PCLO: variants seen among roughly 807,000 people sequenced by gnomAD.
The protein encoded by PCLO is protein piccolo.
A neutral mutation model predicts 427.5 loss-of-function variants in PCLO; 82 were observed. The observed-to-expected ratio is 0.19, with a 90% CI of 0.16 to 0.23. The LOEUF (loss-of-function observed/expected upper bound fraction) is 0.23. PCLO is among the 10% of genes least tolerant of loss of function. The pLI, the probability that PCLO is intolerant of heterozygous loss-of-function variation, is 1.00. For synonymous variants in PCLO, 2,357 were observed against 2,155.4 expected (o/e 1.09, Z -2.59); for missense variants, 6,239 against 6,115.9 (o/e 1.02, Z -0.67).
chr7:82,869,085 T>G (rs17156774), intron 10 of PCLO, among the ~76,000 whole-genome samples: 3,151 of 152,180 alleles, frequency 0.021, 118 homozygotes, highest in African/African-American at 0.072. Flanking sequence ...GAGAACTAGT[T>G]CAAAAAATCC....
intron 3 of PCLO, among the ~76,000 whole-genome samples, chr7:83,065,431 G>T: frequency 6.7e-6 from 1 of 149,690 alleles, no homozygotes; most frequent in Admixed American, 6.7e-5. Flanking sequence ...TTTTGTGGGG[G>T]AGTTTTTTTT....
chr7:82,808,772 A>T (rs1318898833), intron 20 of PCLO, among the ~76,000 whole-genome samples: 1 of 151,932 alleles, frequency 6.6e-6, no homozygotes. Flanking sequence ...ATTTGGAGTT[A>T]TCACAACAAA....
At chr7:82,923,177 T>G (rs1794637437) in intron 6 of PCLO, among the ~76,000 whole-genome samples, 1 of 152,040 alleles carries the variant, frequency 6.6e-6, no homozygotes, top group African/African-American at 2.4e-5. Context: ...GATTAAGATA[T>G]AACAGGAAGC....
chr7:83,063,963 T>C (rs1452989381), intron 3 of PCLO, among the ~76,000 whole-genome samples: 4 of 152,178 alleles, frequency 2.6e-5, no homozygotes, highest in African/African-American at 9.6e-5. Context: ...TTTGACTTAT[T>C]GAGAAAATAT....
chr7:83,154,397 A>C (rs1792212643), intron 2 of PCLO, among the ~76,000 whole-genome samples: 1 of 152,246 alleles, frequency 6.6e-6, no homozygotes, highest in African/African-American at 2.4e-5. Context: ...TATGAATACC[A>C]AAATTTTGAT....
chr7:82,971,934 T>C (rs908467996), intron 3 of PCLO, among the ~76,000 whole-genome samples: 1 of 151,714 alleles, frequency 6.6e-6, no homozygotes, highest in Non-Finnish European at 1.5e-5. Context: ...CTATTATAAG[T>C]ATCATCTAAT....
rs761823040 is a variant in PCLO, at chr7:83,155,076, T to G, written c.1565A>C (p.Gln522Pro). 23 of 1,609,994 alleles carry G rather than the reference T, an allele frequency of 1.4e-5. No individual in the cohort carries two copies. The highest frequency in any genetic ancestry group is 1.8e-5 in the Non-Finnish European group (21 of 1,178,524). ...QQPGPAKPSP[Q>P]QPGSTKPPSQ... ...TGGGGGTTTTGTTGAGCCAGGCTGT[T>G]GAGGTGAGGGCTTTGCTGGGCCAGG... The change falls in exon 2 of 25, where the codon CAA becomes CCA. Residue 522 changes from glutamine (Q) to proline (P), a missense_variant. Gln to Pro is a moderately conservative substitution (Grantham distance 76). This residue lies in a region of PCLO where 4,677 missense variants were observed against 4,468.4 expected (regional missense o/e 1.05). Coordinates refer to ENST00000333891, the MANE Select transcript of PCLO (RefSeq NM_033026.6).
At chr7:83,023,847 G>A (rs188465025) in intron 3 of PCLO, among the ~76,000 whole-genome samples, 1 of 152,302 alleles carries the variant, frequency 6.6e-6, no homozygotes, top group East Asian at 1.9e-4. Context: ...GCAGAGAAGT[G>A]ATGTATGGCA....
At chr7:83,106,677 T>C (rs1434750714) in intron 3 of PCLO, among the ~76,000 whole-genome samples, 3 of 152,098 alleles carry the variant, frequency 2.0e-5, no homozygotes, top group Non-Finnish European at 4.4e-5. Context: ...AATATCCACA[T>C]AGAAAAGGAA....
intron 3 of PCLO, among the ~76,000 whole-genome samples, chr7:82,980,399 C>T (rs1422949524): frequency 6.6e-6 from 1 of 152,086 alleles, no homozygotes; most frequent in Non-Finnish European, 1.5e-5. Context: ...TGGGGGAAGT[C>T]AGCTGGAGTC....
At chr7:83,105,819 T>A (rs1391707654) in intron 3 of PCLO, among the ~76,000 whole-genome samples, 2 of 152,212 alleles carry the variant, frequency 1.3e-5, no homozygotes, top group Non-Finnish European at 2.9e-5. Context: ...TCTCTCTGTT[T>A]CAACAAAGCT....
chr7:82,953,894 T>A lies in PCLO; in HGVS notation c.7059A>T (p.Lys2353Asn). 1 of 1,613,968 alleles carries A rather than the reference T, an allele frequency of 6.2e-7. No individual in the cohort carries two copies. The highest frequency in any genetic ancestry group is 8.5e-7 in the Non-Finnish European group (1 of 1,179,848). ...PPSSVIALPM[K>N]EQLSTTYFTS... is the part of the protein sequence containing the mutation. ...TAAAGTATGTAGTTGAAAGCTGCTC[T>A]TTCATTGGAAGGGCTATTACAGAAG... is the stretch of plus-strand genomic sequence containing the variant. The change falls in exon 5 of 25, where the codon AAA (lysine) becomes AAT (asparagine). Residue 2353 changes from lysine (K) to asparagine (N), a missense_variant. Lys to Asn is a moderately conservative substitution (Grantham distance 94). Coordinates refer to ENST00000333891, the MANE Select transcript of PCLO (RefSeq NM_033026.6).
At chr7:82,906,043 ATAGATAGATAGG>A (rs1166342878) in intron 8 of PCLO, among the ~76,000 whole-genome samples, 2 of 151,196 alleles carry the variant, frequency 1.3e-5, no homozygotes, top group African/African-American at 4.9e-5. Context: ...AGATAGATAG[ATAGATAGATAGG>A]TACACACACA....
At chr7:83,072,389 T>C (rs1238934778) in intron 3 of PCLO, among the ~76,000 whole-genome samples, 1 of 152,056 alleles carries the variant, frequency 6.6e-6, no homozygotes, top group African/African-American at 2.4e-5. Context: ...AATAATATTA[T>C]CCAAAATTTC....
intron 6 of PCLO, among the ~76,000 whole-genome samples, chr7:82,920,148 G>A (rs1794562782): frequency 6.6e-6 from 1 of 151,432 alleles, no homozygotes; most frequent in South Asian, 2.1e-4. Context: ...CTCTCAACTA[G>A]TTATTTAATT....
intron 13 of PCLO, among the ~76,000 whole-genome samples, chr7:82,843,649 A>G (rs1792423890): frequency 6.6e-6 from 1 of 150,540 alleles, no homozygotes; most frequent in South Asian, 2.1e-4. Context: ...CAATGTAGCC[A>G]TTCCACAACG....
rs1284260262 is a variant in PCLO, at chr7:83,030,128, AAAAAAAG to A, written c.3301-63648_3301-63642del. Reference sequence around the variant, plus strand: ...AAGTATAATAATAAAAGAAAAAAAAAAAAAAAGAAAAGAAAAGACTCAGCTCAGCTTT... The same window carrying A: ...AAGTATAATAATAAAAGAAAAAAAAAAAAAGAAAAGACTCAGCTCAGCTTT... On this transcript the variant is annotated intron_variant, in intron 3 of 24. Coordinates refer to ENST00000333891, the MANE Select transcript of PCLO (RefSeq NM_033026.6). Among the ~76,000 whole-genome samples, 282 of 145,796 alleles carry A rather than the reference AAAAAAAG, an allele frequency of 1.9e-3. 1 individual carries two copies. Among genetic ancestry groups the A allele is most frequent in the African/African-American group, 6.7e-3 (274 of 41,012 alleles).
chr7:82,967,731 A>T (rs896358761), intron 3 of PCLO, among the ~76,000 whole-genome samples: 1 of 152,204 alleles, frequency 6.6e-6, no homozygotes, highest in South Asian at 2.1e-4. Context: ...ATGTTAGAAT[A>T]ATACTATTAA....
chr7:82,962,166 C>G (rs1244304807), intron 4 of PCLO, among the ~76,000 whole-genome samples: 1 of 152,116 alleles, frequency 6.6e-6, no homozygotes, highest in East Asian at 1.9e-4. Context: ...ATAGAACGTG[C>G]TTTGAATCAA....
Sources: allele counts gnomAD v4.1 joint callset (sites outside exome capture counted in the v4.1 genomes callset), GRCh38; gene constraint gnomAD v4.1.1; regional missense constraint gnomAD v4.1.1; transcripts MANE v1.5; gene names NCBI Gene and HGNC (gene_info 2026-07-23, HGNC 2026-07-21).